ZNF433: variants seen among roughly 807,000 people sequenced by gnomAD.
The protein encoded by ZNF433 is zinc finger protein 433.
In ZNF433, 12 loss-of-function variants were observed where a neutral mutation model predicts 10.6. The observed-to-expected ratio is 1.13, with a 90% CI of 0.72 to 1.83. ZNF433 has a LOEUF of 1.83. Among genes scored for constraint, ZNF433 ranks in the 40% most tolerant of loss-of-function variants. The pLI is 0.00. For synonymous variants in ZNF433, 272 were observed against 271.3 expected (o/e 1.00, Z -0.02); for missense variants, 737 against 798.0 (o/e 0.92, Z 0.92).
intron 2 of ZNF433, 44 bp downstream of exon 2, chr19:12,018,122 C>A: frequency 5.4e-6 from 8 of 1,485,076 alleles, no homozygotes; most frequent in African/African-American, 2.9e-5. Context: ...AAAAAAAAAA[C>A]TTGTTGTCTC....
At chr19:12,030,904 C>T (rs528613623) in intron 1 of ZNF433, among the ~76,000 whole-genome samples, 87 of 152,176 alleles carry the variant, frequency 5.7e-4, no homozygotes, top group African/African-American at 2.0e-3. Flanking sequence ...GGTGAAACCC[C>T]GTCTCTATGA....
At position 12,029,715 on chromosome 19, in the gene ZNF433, C is replaced by T. The variant is rs138326534; in HGVS notation, c.3+5822G>A. On this transcript the variant is annotated intron_variant, in intron 1 of 3. Coordinates refer to ENST00000550507, the MANE Select transcript of ZNF433 (RefSeq NM_001308348.2). ...GATTAGAGCATGAGAGTAGATCCCT[C>T]GTGAATGGGATTAGTACTCTTATGA... 1.4e-4 allele frequency among the ~76,000 whole-genome samples: 21 copies of T among 151,810 alleles called. 2 individuals carry two copies. Among genetic ancestry groups the T allele is most frequent in the African/African-American group, 4.3e-4 (18 of 41,394 alleles).
At chr19:12,023,258 G>A (rs1338621352) in intron 1 of ZNF433, 1 of 152,104 alleles carries the variant, frequency 6.6e-6, no homozygotes, top group African/African-American at 2.4e-5. Context: ...TTCCAACAGG[G>A]GTCTGTGGAC....
intron 1 of ZNF433, among the ~76,000 whole-genome samples, chr19:12,030,821 G>C (rs1195634434): frequency 6.6e-6 from 1 of 152,220 alleles, no homozygotes; most frequent in Non-Finnish European, 1.5e-5. Context: ...GCTTATGCCT[G>C]TAATCCCAGC....
rs200880994 is a variant in ZNF433, at chr19:12,015,894, C to A, written c.964G>T (p.Val322Phe). Residue 322 changes from valine to phenylalanine, a missense_variant, in exon 4 of 4, where the codon GTT (valine) becomes TTT (phenylalanine). Val to Phe is a conservative substitution (Grantham distance 50). Transcript: ENST00000550507. ...CGKAFKCPSS[V>F]RRHERTHSRK... ...GAGTGGGTTCTTTCATGTCTGCGAACAGAACTGGGACACTTGAATGCTTTT... is the reference window on the plus strand; with the variant it reads ...GAGTGGGTTCTTTCATGTCTGCGAAAAGAACTGGGACACTTGAATGCTTTT... 9.4e-5 allele frequency: 151 copies of A among 1,613,018 alleles called. No homozygotes were observed. Among genetic ancestry groups the A allele is most frequent in the Non-Finnish European group, 8.7e-5 (103 of 1,179,714 alleles).
intron 1 of ZNF433, chr19:12,026,759 G>C (rs1369676123): frequency 2.2e-6 from 1 of 454,028 alleles, no homozygotes; most frequent in African/African-American, 2.0e-5. Flanking sequence ...TTCCTATGGA[G>C]TCATTATTGA....
At chr19:12,034,805 C>T (rs1238142549) in intron 1 of ZNF433, 3 of 450,754 alleles carry the variant, frequency 6.7e-6, no homozygotes, top group Non-Finnish European at 1.3e-5. Flanking sequence ...ACAGGTCCCG[C>T]CCTTTCTGCC....
At position 12,015,326 on chromosome 19, in the gene ZNF433, G is replaced by A; in HGVS notation, c.1532C>T (p.Ser511Phe). The A allele has an allele frequency of 6.2e-7, 1 of 1,613,890 alleles. No homozygotes were observed. Among genetic ancestry groups the A allele is most frequent in the Non-Finnish European group, 8.5e-7 (1 of 1,179,994 alleles). ...TCGAAAGGAGCTCGAACAGTTGAAG[G>A]ATCTGCCACACTGCTTGCATTCATA... is the stretch of plus-strand genomic sequence containing the variant. ...KTYECKQCGR[S>F]FNCSSSFRYH... Residue 511 changes from serine (S) to phenylalanine (F), a missense_variant, in exon 4 of 4, where the codon TCC becomes TTC. Ser to Phe is a radical substitution (Grantham distance 155). Coordinates refer to ENST00000550507, the MANE Select transcript of ZNF433 (RefSeq NM_001308348.2).
chr19:12,026,329 A>C (rs909126442), intron 1 of ZNF433: 2 of 232,542 alleles, frequency 8.6e-6, no homozygotes, highest in Non-Finnish European at 8.6e-6. Context: ...GCTGAGGAGG[A>C]CCCCAACTGT....
chr19:12,019,052 T>TAAAAAA (rs754859866), intron 1 of ZNF433, among the ~76,000 whole-genome samples: 14 of 62,788 alleles, frequency 2.2e-4, no homozygotes, highest in African/African-American at 5.2e-4. Flanking sequence ...TCCATCTTAA[T>TAAAAAA]AAAAAAAAAA....
At chr19:12,027,710 G>A (rs185768881) in intron 1 of ZNF433, among the ~76,000 whole-genome samples, 4 of 152,276 alleles carry the variant, frequency 2.6e-5, no homozygotes, top group East Asian at 1.9e-4. Flanking sequence ...TCTGAAGGCC[G>A]TCAGCCCCGA....
rs369295767 is a variant in ZNF433, at chr19:12,017,850, G to A, written c.191+26C>T. 7.4e-4 allele frequency: 1,039 copies of A among 1,404,482 alleles called. 2 individuals are homozygous for A. Among genetic ancestry groups the A allele is most frequent in the Non-Finnish European group, 6.3e-4 (650 of 1,025,366 alleles). The allele number at this position is 1,404,482 out of a possible 1,614,324, so 87.0% of individuals were successfully genotyped here. On this transcript the variant is annotated intron_variant, in intron 3 of 3. Coordinates refer to ENST00000550507, the MANE Select transcript of ZNF433 (RefSeq NM_001308348.2). ...ATTCTAAGATTTTCTAGAGACACAC[G>A]TCTTTGTCATGTGAGTGCAAGTTAC...
chr19:12,023,653 A>G (rs1346864643), intron 1 of ZNF433: 1 of 152,150 alleles, frequency 6.6e-6, no homozygotes, highest in Non-Finnish European at 1.5e-5. Context: ...CGCATGGCCA[A>G]TTCAACCCAC....
intron 1 of ZNF433, among the ~76,000 whole-genome samples, chr19:12,028,747 A>G (rs937485713): frequency 1.3e-5 from 2 of 152,146 alleles, no homozygotes; most frequent in African/African-American, 2.4e-5. Flanking sequence ...CACCCATGCT[A>G]TGGTGCAGGG....
At chr19:12,027,866 A>T (rs1354944282) in intron 1 of ZNF433, 1 of 152,076 alleles carries the variant, frequency 6.6e-6, no homozygotes, top group Admixed American at 6.6e-5. Context: ...TAGAATTTGC[A>T]TGTCTTTCTT....
At position 12,015,463 on chromosome 19, in the gene ZNF433, A is replaced by C; in HGVS notation, c.1395T>G (p.His465Gln). The C allele has an allele frequency of 6.2e-7, 1 of 1,613,934 alleles. No homozygotes were observed. Among genetic ancestry groups the C allele is most frequent in the Non-Finnish European group, 8.5e-7 (1 of 1,179,974 alleles). The change falls in exon 4 of 4, where the codon CAT becomes CAG. Residue 465 changes from histidine to glutamine, a missense_variant. Physicochemically the swap from His to Gln is conservative, Grantham distance 24. Coordinates refer to ENST00000550507, the MANE Select transcript of ZNF433 (RefSeq NM_001308348.2). The stretch of plus-strand genomic sequence containing the variant: ...GCTTCTCTTCTCTGTGCATCCTTTC[A>C]TGTATTTGAAAGAAAGAGAAATTAC... ...PFSNFSFFQI[H>Q]ERMHREEKPY...
chr19:12,014,751 A>T lies in ZNF433; in HGVS notation c.*94T>A. The T allele has an allele frequency of 1.1e-6, 1 of 916,722 alleles. No homozygotes were observed. The highest frequency in any genetic ancestry group is 1.6e-6 in the Non-Finnish European group (1 of 639,116). The allele number at this position is 916,722 out of a possible 1,614,324, so 56.8% of individuals were successfully genotyped here. A position where few individuals can be genotyped will look rare whatever the true frequency, so the allele number is the denominator to read the frequency against. ...TGGAAGTCTTTTTATTTATTTATTT[A>T]ATTTTTATAACAGAGTCTCACTATG... On this transcript the variant is annotated 3_prime_UTR_variant, in exon 4 of 4. Coordinates refer to ENST00000550507, the MANE Select transcript of ZNF433 (RefSeq NM_001308348.2).
Position 12,015,879 on chromosome 19 carries a change from T to C in ZNF433, c.979A>G (p.Arg327Gly). ...KCPSSVRRHE[R>G]THSRKKPYEC... The stretch of plus-strand genomic sequence containing the variant: ...TAGGGTTTTTTCCTAGAGTGGGTTC[T>C]TTCATGTCTGCGAACAGAACTGGGA... Residue 327 changes from arginine (R) to glycine (G), a missense_variant, in exon 4 of 4, where the codon AGA becomes GGA. Transcript: ENST00000550507. 1 of 1,613,964 alleles carries C rather than the reference T, an allele frequency of 6.2e-7. No individual in the cohort carries two copies.
intron 1 of ZNF433, among the ~76,000 whole-genome samples, chr19:12,035,270 GCGGGGCAGC>G: frequency 6.6e-6 from 1 of 152,170 alleles, no homozygotes; most frequent in South Asian, 2.1e-4. Context: ...GTGGGGAGAC[GCGGGGCAGC>G]GGGCGCGGAG....
Sources: allele counts gnomAD v4.1 joint callset (sites outside exome capture counted in the v4.1 genomes callset), GRCh38; gene constraint gnomAD v4.1.1; transcripts MANE v1.5; gene names NCBI Gene and HGNC (gene_info 2026-07-23, HGNC 2026-07-21).